Variants in GRIA1 observed in about 807,000 individuals in gnomAD.
GRIA1 encodes glutamate receptor 1.
GRIA1 carries 31 observed loss-of-function variants against 99.2 expected under a neutral mutation model. The observed-to-expected ratio is 0.31, with a 90% CI of 0.23 to 0.42. The LOEUF (loss-of-function observed/expected upper bound fraction) is 0.42. Among genes scored for constraint, GRIA1 ranks in the 10% least tolerant of loss-of-function variants. The pLI, the probability that GRIA1 is intolerant of heterozygous loss-of-function variation, is 1.00. For synonymous variants in GRIA1, 438 were observed against 432.4 expected (o/e 1.01, Z -0.16); for missense variants, 782 against 1,157.5 (o/e 0.68, Z 4.71).
intron 11 of GRIA1, among the ~76,000 whole-genome samples, chr5:153,752,435 A>T (rs1277598824): frequency 6.6e-6 from 1 of 152,190 alleles, no homozygotes; most frequent in East Asian, 1.9e-4. Context: ...AGATAGTAGA[A>T]TAATTATTGT....
chr5:153,490,575 G>C, upstream of GRIA1: 1 of 444,688 alleles, frequency 2.2e-6, no homozygotes, highest in Non-Finnish European at 4.1e-6. Flanking sequence ...AGAGAGCAAG[G>C]GAGGGAGAGA....
intron 11 of GRIA1, among the ~76,000 whole-genome samples, chr5:153,717,663 G>A (rs1251145898): frequency 1.3e-5 from 2 of 152,152 alleles, no homozygotes; most frequent in African/African-American, 4.8e-5. Context: ...GGTAATGTTG[G>A]ACCACTTCTT....
rs1210048779 is a variant in GRIA1 at position 153,804,861 on chromosome 5, C to T, written c.2520+2371C>T. 9.2e-5 allele frequency among the ~76,000 whole-genome samples: 14 copies of T among 152,280 alleles called. No homozygotes were observed. The East Asian group carries it at 1.7e-3, about 19-fold the overall frequency. ...CCATCTCCTGGGCTCAAGCAATTCT[C>T]TTGCCTCACCCTCCCGAGTAGCTGG... is the stretch of plus-strand genomic sequence containing the variant. On this transcript the variant is annotated intron_variant, in intron 15 of 15. Transcript: ENST00000285900.
chr5:153,530,679 T>C (rs1479182915), intron 2 of GRIA1, among the ~76,000 whole-genome samples: 1 of 152,184 alleles, frequency 6.6e-6, no homozygotes, highest in Admixed American at 6.5e-5. Context: ...GGTGTTTGCA[T>C]TCAGACAGGC....
intron 11 of GRIA1, among the ~76,000 whole-genome samples, chr5:153,721,720 G>A: frequency 6.6e-6 from 1 of 152,072 alleles, no homozygotes; most frequent in Admixed American, 6.6e-5. Context: ...TTATTTTATA[G>A]TATTCCATTT....
At position 153,677,111 on chromosome 5, in the gene GRIA1, C is replaced by G. The variant is rs1437266030; in HGVS notation, c.979C>G (p.Pro327Ala). ...RGNAGDCLAN[P>A]AVPWGQGIDI... is the part of the protein sequence containing the mutation. ...GAATGCTGGGGATTGTCTGGCTAACCCAGCTGTTCCCTGGGGCCAAGGGAT... is the reference window on the plus strand; with the variant it reads ...GAATGCTGGGGATTGTCTGGCTAACGCAGCTGTTCCCTGGGGCCAAGGGAT... Residue 327 changes from proline (P) to alanine (A), a missense_variant, in exon 7 of 16, where the codon CCA (proline) becomes GCA (alanine). This residue lies in a region of GRIA1 where 461 missense variants were observed against 521.7 expected (regional missense o/e 0.88). Transcript: ENST00000285900. 6.4e-7 allele frequency: 1 copy of G among 1,572,746 alleles called. No individual in the cohort carries two copies. Among genetic ancestry groups the G allele is most frequent in the Admixed American group, 1.8e-5 (1 of 56,526 alleles).
At chr5:153,645,458 C>CA in intron 2 of GRIA1, among the ~76,000 whole-genome samples, 1 of 152,164 alleles carries the variant, frequency 6.6e-6, no homozygotes, top group African/African-American at 2.4e-5. Flanking sequence ...AAAAGATTTT[C>CA]AATAACATTT....
intron 13 of GRIA1, among the ~76,000 whole-genome samples, 159 bp downstream of exon 13, chr5:153,770,574 A>T (rs1008352873): frequency 6.6e-6 from 1 of 152,160 alleles, no homozygotes; most frequent in African/African-American, 2.4e-5. Flanking sequence ...GCCACCCAAG[A>T]TCTTCAGCCC....
chr5:153,551,957 C>G (rs948242040), intron 2 of GRIA1, among the ~76,000 whole-genome samples: 2 of 152,226 alleles, frequency 1.3e-5, no homozygotes, highest in African/African-American at 2.4e-5. Flanking sequence ...GAAAGCCCCC[C>G]CTCATCCTCT....
intron 11 of GRIA1, among the ~76,000 whole-genome samples, chr5:153,757,804 A>C (rs886321763): frequency 6.6e-6 from 1 of 152,176 alleles, no homozygotes; most frequent in African/African-American, 2.4e-5. Context: ...AATCTTAAAG[A>C]GAGTTTTTCA....
At chr5:153,751,933 T>C (rs960521921) in intron 11 of GRIA1, among the ~76,000 whole-genome samples, 2 of 152,200 alleles carry the variant, frequency 1.3e-5, no homozygotes, top group Non-Finnish European at 2.9e-5. Context: ...CCATTGAGCA[T>C]CTTTCCTCTC....
intron 13 of GRIA1, among the ~76,000 whole-genome samples, chr5:153,771,248 C>G (rs1763864265): frequency 6.6e-6 from 1 of 152,196 alleles, no homozygotes; most frequent in African/African-American, 2.4e-5. Flanking sequence ...AAACAGTACA[C>G]TGTGAAGTCA....
intron 2 of GRIA1, among the ~76,000 whole-genome samples, chr5:153,557,590 TTTTC>T (rs1760764224): frequency 6.6e-6 from 1 of 152,228 alleles, no homozygotes; most frequent in South Asian, 2.1e-4. Context: ...TGCTATAAGC[TTTTC>T]TTTTTCTATT....
At chr5:153,490,007 C>A (rs1581117346), upstream of GRIA1, among the ~76,000 whole-genome samples, 1 of 152,086 alleles carries the variant, frequency 6.6e-6, no homozygotes, top group East Asian at 1.9e-4. Flanking sequence ...GGTCAAAATA[C>A]CTGCCAGTCA....
intron 2 of GRIA1, among the ~76,000 whole-genome samples, chr5:153,575,167 GCA>G (rs1763871099): frequency 6.7e-6 from 1 of 149,484 alleles, no homozygotes; most frequent in Admixed American, 6.7e-5. Context: ...GTAGTGCTAA[GCA>G]CAGAGGTTTC....
chr5:153,591,624 C>A (rs181915305), intron 2 of GRIA1, among the ~76,000 whole-genome samples: 62 of 152,262 alleles, frequency 4.1e-4, no homozygotes, highest in African/African-American at 1.4e-3. Flanking sequence ...AACATAGTAT[C>A]TAGCACCAAG....
intron 11 of GRIA1, among the ~76,000 whole-genome samples, chr5:153,722,420 T>G (rs2149542012): frequency 6.6e-6 from 1 of 152,360 alleles, no homozygotes; most frequent in African/African-American, 2.4e-5. Context: ...GATATTCTTT[T>G]ATAGTTTCTT....
chr5:153,709,252 T>G (rs960567734), intron 11 of GRIA1, among the ~76,000 whole-genome samples: 1 of 152,234 alleles, frequency 6.6e-6, no homozygotes, highest in Non-Finnish European at 1.5e-5. Context: ...GAAGGGGCTT[T>G]TAAAGCTGAC....
intron 4 of GRIA1, among the ~76,000 whole-genome samples, chr5:153,651,570 T>G (rs1332002733): frequency 6.6e-6 from 1 of 152,250 alleles, no homozygotes; most frequent in African/African-American, 2.4e-5. Context: ...TTTTAGGTAC[T>G]TGACAACATG....
Sources: gnomAD v4.1 joint callset for allele counts (sites outside exome capture counted in the v4.1 genomes callset) on GRCh38, gnomAD v4.1.1 for gene constraint, gnomAD v4.1.1 regional missense constraint, MANE v1.5 for transcripts, NCBI Gene and HGNC (gene_info 2026-07-23, HGNC 2026-07-21) for gene names.